HERC1: variants seen among roughly 807,000 people sequenced by gnomAD.
HERC1 encodes the protein probable E3 ubiquitin-protein ligase HERC1.
In HERC1, 160 loss-of-function variants were observed where a neutral mutation model predicts 554.3. The ratio of observed to expected loss-of-function variants is 0.29; its 90% CI spans 0.25 to 0.33. HERC1 has a LOEUF of 0.33. Ranked by LOEUF, HERC1 falls within the 10% of genes least tolerant of loss-of-function variation. HERC1 has a pLI of 1.00. For synonymous variants in HERC1, 2,175 were observed against 2,131.7 expected (o/e 1.02, Z -0.56); for missense variants, 4,919 against 5,918.5 (o/e 0.83, Z 5.54).
intron 37 of HERC1, among the ~76,000 whole-genome samples, chr15:63,676,328 G>C (rs2071204092): frequency 6.6e-6 from 1 of 152,180 alleles, no homozygotes; most frequent in African/African-American, 2.4e-5. Flanking sequence ...GTAGAATGGA[G>C]GGGAAGGCAG....
chr15:63,719,011 A>G, intron 19 of HERC1, 114 bp from the exon 20 acceptor site: 1 of 686,604 alleles, frequency 1.5e-6, no homozygotes, highest in East Asian at 2.7e-5. Flanking sequence ...CTAAACTGTT[A>G]CTTAACAAAT....
intron 53 of HERC1, among the ~76,000 whole-genome samples, chr15:63,650,590 A>G (rs911786062): frequency 1.1e-4 from 16 of 152,052 alleles, no homozygotes; most frequent in African/African-American, 3.6e-4. Context: ...GCTGTCTGTA[A>G]CTATTAATAG....
intron 46 of HERC1, 47 bp downstream of exon 46, chr15:63,660,926 A>G (rs763703869): frequency 1.0e-5 from 11 of 1,094,104 alleles, no homozygotes; most frequent in Non-Finnish European, 1.4e-5. Flanking sequence ...AGCAGAGAGG[A>G]TATATAAAAA....
At chr15:63,611,479 G>A (rs2067587376) in intron 77 of HERC1, among the ~76,000 whole-genome samples, 1 of 152,188 alleles carries the variant, frequency 6.6e-6, no homozygotes, top group South Asian at 2.1e-4. Flanking sequence ...TTCATCAGAT[G>A]GCAGAGATGC....
chr15:63,831,652 T>C (rs1444610950), intron 1 of HERC1, among the ~76,000 whole-genome samples: 1 of 152,172 alleles, frequency 6.6e-6, no homozygotes, highest in Non-Finnish European at 1.5e-5. Flanking sequence ...CCCTTTTTTT[T>C]CTATTTCAAA....
In HERC1 at chr15:63,674,734, T is replaced by A. The variant is rs1405988767; in HGVS notation, c.7454A>T (p.Lys2485Ile). 6.2e-7 allele frequency: 1 copy of A among 1,613,812 alleles called. No individual in the cohort carries two copies. The change falls in exon 38 of 78, where the codon AAA (lysine) becomes ATA (isoleucine). Residue 2485 changes from lysine (K) to isoleucine (I), a missense_variant. By Grantham distance (102) the Lys-to-Ile change is moderately radical. Around this residue, in one of 11 missense-constraint regions of HERC1, gnomAD observed 1,963 missense variants for 2,228.6 expected, o/e 0.88. Transcript: ENST00000443617. ...GGACATGTGTTCATGATTTTTTCTTTTCCCTTCTGTTATTTGATGTTGGGA... is the reference window on the plus strand; with the variant it reads ...GGACATGTGTTCATGATTTTTTCTTATCCCTTCTGTTATTTGATGTTGGGA... ...VESQHQITEG[K>I]RKNHEHMSKN...
Position 63,821,426 on chromosome 15 carries a change from T to C in HERC1, c.-27+12401A>G, listed in dbSNP as rs138620185. Among the ~76,000 whole-genome samples the C allele has an allele frequency of 1.3e-3, 196 of 151,628 alleles. 1 individual carries two copies. The highest frequency in any genetic ancestry group is 4.6e-3 in the African/African-American group (191 of 41,312). On this transcript the variant is annotated intron_variant, in intron 1 of 77. Coordinates refer to ENST00000443617, the MANE Select transcript of HERC1 (RefSeq NM_003922.4). ...AAAAAATTAGCCAGGCATGGTGGCA[T>C]GCACCTGTAGTCCCAGCTACTTGGG...
intron 1 of HERC1, among the ~76,000 whole-genome samples, chr15:63,820,685 C>CT (rs542260915): frequency 0.025 from 3,684 of 147,868 alleles, 143 homozygotes; most frequent in African/African-American, 0.086. Context: ...AGACGTTATC[C>CT]TTTTTTTTTT....
At chr15:63,631,005 G>T (rs957514740) in intron 68 of HERC1, among the ~76,000 whole-genome samples, 1 of 152,102 alleles carries the variant, frequency 6.6e-6, no homozygotes, top group Non-Finnish European at 1.5e-5. Context: ...ACAGGGTCTC[G>T]CTCTGTCGCC....
At chr15:63,645,939 G>T (rs2152860980) in intron 55 of HERC1, among the ~76,000 whole-genome samples, 1 of 152,264 alleles carries the variant, frequency 6.6e-6, no homozygotes, top group Admixed American at 6.5e-5. Context: ...AATGAATTAT[G>T]AAATTCTGAC....
intron 12 of HERC1, among the ~76,000 whole-genome samples, chr15:63,739,668 G>T (rs2141301576): frequency 6.6e-6 from 1 of 152,022 alleles, no homozygotes; most frequent in East Asian, 2.0e-4. Context: ...GTGAAACCCT[G>T]TCTCTACTAA....
At chr15:63,690,055 T>C (rs889327129) in intron 32 of HERC1, among the ~76,000 whole-genome samples, 1 of 151,506 alleles carries the variant, frequency 6.6e-6, no homozygotes, top group Non-Finnish European at 1.5e-5. Context: ...TCCCAGCTAC[T>C]TGGAGGCTAA....
At position 63,680,058 on chromosome 15, in the gene HERC1, AG is replaced by A. The variant is rs1448412438; in HGVS notation, c.6549+18del. 6.0e-6 allele frequency: 9 copies of A among 1,490,778 alleles called. No homozygotes were observed. The African/African-American group carries it at 6.9e-5, about 11-fold the overall frequency. 92.3% of individuals were successfully genotyped at this position (1,490,778 alleles called of 1,614,324 possible). A position where few individuals can be genotyped will look rare whatever the true frequency, so the allele number is the denominator to read the frequency against. ...TAAAATAACAAATATTCTTAAATAA[AG>A]GTTTGAGACTTCATTACCTTTTCCC... is the stretch of plus-strand genomic sequence containing the variant. On this transcript the variant is annotated intron_variant, in intron 36 of 77. Transcript: ENST00000443617. This position sits in a 1 kb window ranked among gnomAD's most constrained non-coding sequence, Gnocchi z 5.8.
chr15:63,610,720 G>A (rs2067548352), intron 77 of HERC1, among the ~76,000 whole-genome samples: 1 of 152,240 alleles, frequency 6.6e-6, no homozygotes, highest in Non-Finnish European at 1.5e-5. Context: ...AATAGCTTTG[G>A]CTACACCAGA....
At chr15:63,813,957 G>T (rs1051401913) in intron 1 of HERC1, among the ~76,000 whole-genome samples, 4 of 152,126 alleles carry the variant, frequency 2.6e-5, no homozygotes, top group African/African-American at 7.2e-5. Context: ...TACTTGGGAG[G>T]CTGAGGCAGG....
intron 74 of HERC1, among the ~76,000 whole-genome samples, chr15:63,619,207 C>A (rs527780809): frequency 6.6e-6 from 1 of 152,044 alleles, no homozygotes; most frequent in Admixed American, 6.6e-5. Context: ...TAGCATGAAG[C>A]GTTGTTGAAT....
chr15:63,746,142 T>A (rs1018717846), intron 12 of HERC1, among the ~76,000 whole-genome samples: 1 of 152,058 alleles, frequency 6.6e-6, no homozygotes, highest in Non-Finnish European at 1.5e-5. Flanking sequence ...GATATATATT[T>A]TTTTTAATAT....
In HERC1 at chr15:63,674,742, T is replaced by C; in HGVS notation, c.7446A>G (p.Thr2482=). The change falls in exon 38 of 78, where the codon ACA becomes ACG. Residue 2482 remains threonine (T), a synonymous_variant. Transcript: ENST00000443617. ...GTTCATGATTTTTTCTTTTCCCTTC[T>C]GTTATTTGATGTTGGGATTCCACAC... ...LPSVESQHQI[T]EGKRKNHEHM... is the part of the protein sequence containing the mutation. 1 of 1,613,844 alleles carries C rather than the reference T, an allele frequency of 6.2e-7. No individual in the cohort carries two copies. Among genetic ancestry groups the C allele is most frequent in the Admixed American group, 1.7e-5 (1 of 59,984 alleles).
chr15:63,781,253 T>C (rs1399044685), intron 1 of HERC1, among the ~76,000 whole-genome samples: 1 of 152,170 alleles, frequency 6.6e-6, no homozygotes, highest in African/African-American at 2.4e-5. Context: ...CATACCTCAT[T>C]TATTGCACTT....
Sources: allele counts gnomAD v4.1 joint callset (sites outside exome capture counted in the v4.1 genomes callset), GRCh38; gene constraint gnomAD v4.1.1; regional missense constraint gnomAD v4.1.1; non-coding constraint Gnocchi (gnomAD v3.1); transcripts MANE v1.5; gene names NCBI Gene and HGNC (gene_info 2026-07-23, HGNC 2026-07-21).